Variants in TTC23 observed in about 807,000 individuals in gnomAD.
TTC23 encodes the protein tetratricopeptide repeat protein 23.
In TTC23, 58 loss-of-function variants were observed where a neutral mutation model predicts 55.1. That is an observed-to-expected ratio of 1.05 (90% CI 0.85 to 1.31). The LOEUF (loss-of-function observed/expected upper bound fraction) is 1.31, where lower values mean the gene tolerates loss of function less well. Among genes scored for constraint, TTC23 ranks in the 50% most tolerant of loss-of-function variants. The pLI, the probability that TTC23 is intolerant of heterozygous loss-of-function variation, is 0.00. For synonymous variants in TTC23, 203 were observed against 199.9 expected (o/e 1.02, Z -0.13); for missense variants, 516 against 534.4 (o/e 0.97, Z 0.34).
chr15:99,149,088 G>A (rs2069356095), intron 12 of TTC23, among the ~76,000 whole-genome samples: 1 of 152,174 alleles, frequency 6.6e-6, no homozygotes, highest in African/African-American at 2.4e-5. Flanking sequence ...GTCGCCGGGT[G>A]GTGCTTAGCT....
At chr15:99,187,576 A>ACAC (rs1011431096) in intron 9 of TTC23, among the ~76,000 whole-genome samples, 7 of 151,942 alleles carry the variant, frequency 4.6e-5, no homozygotes, top group African/African-American at 1.7e-4. Flanking sequence ...AGATTGGGAA[A>ACAC]CACCTCACAG....
intron 8 of TTC23, among the ~76,000 whole-genome samples, chr15:99,216,954 T>C (rs886902580): frequency 6.6e-6 from 1 of 152,154 alleles, no homozygotes; most frequent in Non-Finnish European, 1.5e-5. Context: ...AGCACTGCTA[T>C]GGCAGCAGAG....
chr15:99,237,293 A>G (rs1309016325), intron 3 of TTC23, among the ~76,000 whole-genome samples: 1 of 152,078 alleles, frequency 6.6e-6, no homozygotes, highest in Non-Finnish European at 1.5e-5. Context: ...ATTCCTAAGT[A>G]TTTACAAGAG....
chr15:99,139,200 G>T, intron 13 of TTC23, 117 bp downstream of exon 13: 1 of 1,316,978 alleles, frequency 7.6e-7, no homozygotes, highest in East Asian at 2.5e-5. Context: ...GCAAGTTATG[G>T]GAAGTCAGCA....
At chr15:99,169,251 C>A (rs2072581042) in intron 10 of TTC23, among the ~76,000 whole-genome samples, 1 of 152,128 alleles carries the variant, frequency 6.6e-6, no homozygotes, top group African/African-American at 2.4e-5. Flanking sequence ...TGAGAAGGGA[C>A]AGAGGAAGGC....
chr15:99,219,087 T>C, intron 6 of TTC23, 39 bp from the exon 7 acceptor site: 1 of 1,608,660 alleles, frequency 6.2e-7, no homozygotes, highest in Non-Finnish European at 8.5e-7. Context: ...TTCTCTATCA[T>C]CTCAACTGGA....
At chr15:99,197,464 G>T (rs560979965) in intron 9 of TTC23, among the ~76,000 whole-genome samples, 233 of 151,904 alleles carry the variant, frequency 1.5e-3, no homozygotes, top group African/African-American at 5.4e-3. Flanking sequence ...GAAAGAAAAA[G>T]AAAAGAAAAA....
At chr15:99,170,221 T>C (rs2072725120) in intron 10 of TTC23, among the ~76,000 whole-genome samples, 1 of 152,104 alleles carries the variant, frequency 6.6e-6, no homozygotes, top group Admixed American at 6.5e-5. Flanking sequence ...TTTGTCTGCA[T>C]AAGGAATACA....
At chr15:99,201,468 C>T (rs762633959) in intron 8 of TTC23, among the ~76,000 whole-genome samples, 5 of 152,046 alleles carry the variant, frequency 3.3e-5, no homozygotes, top group African/African-American at 9.7e-5. Flanking sequence ...AGCTAAAAGA[C>T]TACAAAAAAT....
At chr15:99,182,224 TCTCTC>T (rs2074195453) in intron 9 of TTC23, among the ~76,000 whole-genome samples, 1 of 92,674 alleles carries the variant, frequency 1.1e-5, no homozygotes, top group Non-Finnish European at 2.2e-5. Flanking sequence ...GTTCCAGAAA[TCTCTC>T]TCTCTCTCTC....
At position 99,136,644 on chromosome 15, in the gene TTC23, C is replaced by T. The variant is rs2067613540; in HGVS notation, c.*1366G>A. 1 of 152,304 alleles carries T rather than the reference C, an allele frequency of 6.6e-6. No homozygotes were observed. Among genetic ancestry groups the T allele is most frequent in the Admixed American group, 6.5e-5 (1 of 15,292 alleles). The allele number at this position is 152,304 out of a possible 1,614,324, so 9.4% of individuals were successfully genotyped here. On this transcript the variant is annotated 3_prime_UTR_variant, in exon 14 of 14. Coordinates refer to ENST00000394132, the MANE Select transcript of TTC23 (RefSeq NM_001288615.3). ...AATCACCTCTCCAAGACCCCACCCC[C>T]AATACCATCCCTTTGGGGATTAGGG...
intron 9 of TTC23, among the ~76,000 whole-genome samples, chr15:99,194,894 T>C (rs1307330774): frequency 1.3e-5 from 2 of 152,148 alleles, no homozygotes; most frequent in Non-Finnish European, 2.9e-5. Context: ...GATTGTACCA[T>C]TGCACTCTGG....
chr15:99,174,119 G>C (rs2151928650), intron 10 of TTC23, among the ~76,000 whole-genome samples: 1 of 152,284 alleles, frequency 6.6e-6, no homozygotes, highest in Admixed American at 6.5e-5. Flanking sequence ...TCAAGCTCTA[G>C]TAGGCCAGAA....
At chr15:99,210,665 A>G (rs2076972232) in intron 8 of TTC23, among the ~76,000 whole-genome samples, 1 of 152,216 alleles carries the variant, frequency 6.6e-6, no homozygotes, top group African/African-American at 2.4e-5. Context: ...GACATCAAGG[A>G]ACCTCAGGTG....
At chr15:99,142,923 A>G (rs985756443) in intron 12 of TTC23, among the ~76,000 whole-genome samples, 8 of 152,184 alleles carry the variant, frequency 5.3e-5, no homozygotes, top group African/African-American at 1.4e-4. Flanking sequence ...GGGGCGCCCC[A>G]TCCTTACCCT....
At chr15:99,162,238 A>T (rs1388456933) in intron 10 of TTC23, among the ~76,000 whole-genome samples, 1 of 152,110 alleles carries the variant, frequency 6.6e-6, no homozygotes, top group African/African-American at 2.4e-5. Context: ...TGAGGGTAGG[A>T]CTCTGAAAGT....
At chr15:99,140,851 G>T (rs2068146152) in intron 12 of TTC23, 1 of 152,310 alleles carries the variant, frequency 6.6e-6, no homozygotes, top group African/African-American at 2.4e-5. Flanking sequence ...ACAGAAATGA[G>T]AAAGGTTTAA....
chr15:99,238,639 T>C (rs2079520847), intron 3 of TTC23, among the ~76,000 whole-genome samples: 1 of 152,156 alleles, frequency 6.6e-6, no homozygotes, highest in Non-Finnish European at 1.5e-5. Context: ...GTATGTGAAA[T>C]GAGGCTATAG....
At chr15:99,237,311 A>G (rs757209172) in intron 3 of TTC23, among the ~76,000 whole-genome samples, 16 of 152,158 alleles carry the variant, frequency 1.1e-4, no homozygotes, top group Non-Finnish European at 2.4e-4. Flanking sequence ...GAGAGAAATG[A>G]AAGCATGTAT....
Sources: gnomAD v4.1 joint callset for allele counts (sites outside exome capture counted in the v4.1 genomes callset) on GRCh38, gnomAD v4.1.1 for gene constraint, MANE v1.5 for transcripts, NCBI Gene and HGNC (gene_info 2026-07-23, HGNC 2026-07-21) for gene names.